The following CBLN2 variants were observed in gnomAD, a reference collection of about 807,000 sequenced individuals.
CBLN2 encodes cerebellin-2.
A neutral mutation model predicts 15.0 loss-of-function variants in CBLN2; 7 were observed. The ratio of observed to expected loss-of-function variants is 0.47; its 90% confidence interval spans 0.27 to 0.88. The LOEUF is 0.88. Among genes scored for constraint, CBLN2 ranks in the 40% least tolerant of loss-of-function variants. CBLN2 has a pLI of 0.14. For synonymous variants in CBLN2, 149 were observed against 135.2 expected (o/e 1.10, Z -0.71); for missense variants, 242 against 304.5 (o/e 0.79, Z 1.53).
At position 72,552,374 on chromosome 18, in the gene CBLN2, G is replaced by C. The variant is rs192347846; in HGVS notation, c.16-13602C>G. On this transcript the variant is annotated intron_variant, in intron 1 of 2. Transcript: ENST00000581073. ...GCCAGGATTACAGGCATAAGCCACT[G>C]AGCCCGGCCAAAATACTTTTTTTTT... 2.8e-3 allele frequency among the ~76,000 whole-genome samples: 419 copies of C among 152,130 alleles called. 3 individuals are homozygous for C. Among genetic ancestry groups the C allele is most frequent in the African/African-American group, 9.7e-3 (402 of 41,502 alleles).
intron 1 of CBLN2, among the ~76,000 whole-genome samples, chr18:72,597,227 C>A (rs1312639430): frequency 6.6e-6 from 1 of 152,168 alleles, no homozygotes; most frequent in African/African-American, 2.4e-5. Flanking sequence ...AGTCTTTGGT[C>A]ACTGCAGCCA....
chr18:72,614,499 A>G (rs1427966411), intron 1 of CBLN2, among the ~76,000 whole-genome samples: 1 of 152,148 alleles, frequency 6.6e-6, no homozygotes, highest in Non-Finnish European at 1.5e-5. Context: ...TCTTTACAGA[A>G]CAAATTATGT....
intron 1 of CBLN2, among the ~76,000 whole-genome samples, chr18:72,630,038 G>A (rs7236345): frequency 0.21 from 31,880 of 152,042 alleles, 4,698 homozygotes; most frequent in African/African-American, 0.43. Flanking sequence ...ATCTTACATT[G>A]TATAATCTTA....
chr18:72,542,128 C>G lies in CBLN2; in HGVS notation c.33G>C (p.Leu11=). The G allele has an allele frequency of 6.6e-6, 9 of 1,368,392 alleles. No homozygotes were observed. The highest frequency in any genetic ancestry group is 7.5e-6 in the Non-Finnish European group (8 of 1,070,318). The allele number at this position is 1,368,392 out of a possible 1,614,324, so 84.8% of individuals were successfully genotyped here. ...CCCGGCGCCCGGGCATCATCAGCCG[C>G]AGCCCGAGTGGCCCCCGGCCGGGCG... MQAPGRGPLG[L]RLMMPGRRGA... is the part of the protein sequence containing the mutation. Residue 11 remains leucine (L), a synonymous_variant, in exon 3 of 5, where the codon CTG becomes CTC. Transcript: ENST00000269503.
At chr18:72,619,218 T>C (rs2069683406) in intron 1 of CBLN2, 5 of 929,044 alleles carry the variant, frequency 5.4e-6, no homozygotes, top group Non-Finnish European at 8.4e-6. Context: ...TGGCAGAAGA[T>C]TTTAATTACA....
intron 1 of CBLN2, among the ~76,000 whole-genome samples, chr18:72,578,763 C>A (rs624599): frequency 6.6e-6 from 1 of 152,012 alleles, no homozygotes; most frequent in Non-Finnish European, 1.5e-5. Context: ...CCTTAGTGTG[C>A]TACCTGCCTA....
chr18:72,612,425 A>T (rs1264387571), intron 1 of CBLN2, among the ~76,000 whole-genome samples: 2 of 152,300 alleles, frequency 1.3e-5, no homozygotes, highest in African/African-American at 4.8e-5. Context: ...TAAGAAACAT[A>T]AAAGTTTACT....
intron 1 of CBLN2, among the ~76,000 whole-genome samples, chr18:72,575,361 T>G (rs968317631): frequency 1.3e-5 from 2 of 152,058 alleles, no homozygotes; most frequent in African/African-American, 4.8e-5. Flanking sequence ...GACAGGGATA[T>G]TTTGGACAGA....
chr18:72,616,683 G>A (rs976311071), intron 1 of CBLN2, among the ~76,000 whole-genome samples: 3 of 152,142 alleles, frequency 2.0e-5, no homozygotes, highest in African/African-American at 7.2e-5. Flanking sequence ...TCTCTGTGGT[G>A]TAAAAAATGA....
intron 1 of CBLN2, among the ~76,000 whole-genome samples, chr18:72,623,950 C>T (rs1203598134): frequency 6.6e-6 from 1 of 152,268 alleles, no homozygotes; most frequent in Non-Finnish European, 1.5e-5. Context: ...AAATAACTTG[C>T]TCTCTGGGAG....
At chr18:72,606,366 C>G (rs941630124) in intron 1 of CBLN2, among the ~76,000 whole-genome samples, 1 of 152,058 alleles carries the variant, frequency 6.6e-6, no homozygotes, top group African/African-American at 2.4e-5. Context: ...ATATGGAAAT[C>G]GTTTTCCTGT....
At chr18:72,573,145 A>G (rs1419506018) in intron 1 of CBLN2, among the ~76,000 whole-genome samples, 1 of 152,210 alleles carries the variant, frequency 6.6e-6, no homozygotes, top group Non-Finnish European at 1.5e-5. Context: ...AACACACATC[A>G]CTTCTGCTCA....
intron 1 of CBLN2, among the ~76,000 whole-genome samples, chr18:72,615,575 C>G (rs1382381326): frequency 6.6e-6 from 1 of 151,918 alleles, no homozygotes; most frequent in African/African-American, 2.4e-5. Flanking sequence ...CCGTGCCTGG[C>G]CCAAGTAAAA....
chr18:72,596,254 C>A (rs895798361), intron 1 of CBLN2, among the ~76,000 whole-genome samples: 1 of 151,872 alleles, frequency 6.6e-6, no homozygotes, highest in African/African-American at 2.4e-5. Context: ...AAACTGATGA[C>A]AATTAACACT....
At chr18:72,561,564 A>T (rs550347193) in intron 1 of CBLN2, among the ~76,000 whole-genome samples, 1 of 152,236 alleles carries the variant, frequency 6.6e-6, no homozygotes, top group African/African-American at 2.4e-5. Flanking sequence ...GAGATTTTAG[A>T]TCTATTAACA....
intron 1 of CBLN2, among the ~76,000 whole-genome samples, chr18:72,604,809 G>C (rs994565502): frequency 6.6e-6 from 1 of 152,120 alleles, no homozygotes; most frequent in Non-Finnish European, 1.5e-5. Context: ...CCTCAACCTT[G>C]GACTTCACAG....
intron 3 of CBLN2, chr18:72,539,902 C>T (rs1009353150): frequency 6.6e-6 from 1 of 152,180 alleles, no homozygotes; most frequent in Non-Finnish European, 1.5e-5. Context: ...AACTGGAATA[C>T]CTTTGCTGTT....
At chr18:72,574,244 C>G (rs900581097) in intron 1 of CBLN2, among the ~76,000 whole-genome samples, 1 of 152,038 alleles carries the variant, frequency 6.6e-6, no homozygotes, top group African/African-American at 2.4e-5. Context: ...TCTTTATGTT[C>G]TCTTGATAGT....
intron 1 of CBLN2, among the ~76,000 whole-genome samples, chr18:72,607,523 C>T (rs1208169847): frequency 1.3e-5 from 2 of 152,168 alleles, no homozygotes; most frequent in African/African-American, 4.8e-5. Context: ...AAGCTTTCTT[C>T]CTTGTTGCTT....
Sources: gnomAD v4.1 joint callset for allele counts (sites outside exome capture counted in the v4.1 genomes callset) on GRCh38, gnomAD v4.1.1 for gene constraint, MANE v1.5 for transcripts, NCBI Gene and HGNC (gene_info 2026-07-23, HGNC 2026-07-21) for gene names.